Variants in KIRREL3 observed in about 807,000 individuals in gnomAD.
KIRREL3 encodes the protein kirre like nephrin family adhesion molecule 3, also known as kin of IRRE-like protein 3.
In KIRREL3, 36 loss-of-function variants were observed where a neutral mutation model predicts 89.7. The ratio of observed to expected loss-of-function variants is 0.40; its 90% CI spans 0.31 to 0.53. The LOEUF (loss-of-function observed/expected upper bound fraction) is 0.53, where lower values mean the gene tolerates loss of function less well. KIRREL3 is among the 20% of genes least tolerant of loss of function. The pLI is 0.49. For missense variants in KIRREL3, 864 were observed against 1,056.6 expected, an observed-to-expected ratio of 0.82 and a Z score of 2.53; for synonymous variants, 445 against 441.4, an observed-to-expected ratio of 1.01 and a Z score of -0.10.
intron 1 of KIRREL3, among the ~76,000 whole-genome samples, chr11:126,711,622 A>G (rs1189492024): frequency 2.0e-5 from 3 of 152,250 alleles, no homozygotes; most frequent in Admixed American, 6.5e-5. Flanking sequence ...CCCAAATAGC[A>G]TAATTAGTAT....
rs1958790005 is a variant in KIRREL3 at position 126,527,184 on chromosome 11, C to A, written c.134-497G>T. On this transcript the variant is annotated intron_variant, in intron 2 of 16. Transcript: ENST00000525144. This position sits in a 1 kb window ranked among gnomAD's most constrained non-coding sequence, Gnocchi z 4.2. ...AATTCAGGAAATCATTTTGTTGTTT[C>A]AGTGGCTCCTGGGGTGGGCTGAGGG... 6.6e-6 allele frequency among the ~76,000 whole-genome samples: 1 copy of A among 152,066 alleles called. No homozygotes were observed. Among genetic ancestry groups the A allele is most frequent in the Non-Finnish European group, 1.5e-5 (1 of 68,008 alleles).
At chr11:126,882,567 A>G (rs1275822162) in intron 1 of KIRREL3, among the ~76,000 whole-genome samples, 1 of 152,228 alleles carries the variant, frequency 6.6e-6, no homozygotes, top group East Asian at 1.9e-4. Context: ...AGAACGCAGA[A>G]TGCAGGGAGG....
rs914584049 is a variant in KIRREL3, at chr11:126,906,523, C to T, written c.55+93932G>A. Among the ~76,000 whole-genome samples, 7 of 152,194 alleles carry T rather than the reference C, an allele frequency of 4.6e-5. No individual in the cohort carries two copies. Among genetic ancestry groups the T allele is most frequent in the Non-Finnish European group, 8.8e-5 (6 of 68,026 alleles). On this transcript the variant is annotated intron_variant, in intron 1 of 16. Coordinates refer to ENST00000525144, the MANE Select transcript of KIRREL3 (RefSeq NM_032531.4). This position sits in a 1 kb window ranked among gnomAD's most constrained non-coding sequence, Gnocchi z 4.1. ...GCTGCCTCTGCCCAGTAACTTTAAT[C>T]TCCCTCCAGCAGAGAAGTGGATAGG...
At chr11:126,445,292 G>GAGGAA (rs1265417119) in intron 9 of KIRREL3, among the ~76,000 whole-genome samples, 187 bp from the exon 10 acceptor site, 2 of 152,248 alleles carry the variant, frequency 1.3e-5, no homozygotes, top group Non-Finnish European at 2.9e-5. Flanking sequence ...GGGCTGTACA[G>GAGGAA]AGGAGACTGT....
Position 126,780,422 on chromosome 11 carries a change from G to T in KIRREL3, c.56-217510C>A, listed in dbSNP as rs574576888. 6.6e-6 allele frequency among the ~76,000 whole-genome samples: 1 copy of T among 152,170 alleles called. No individual in the cohort carries two copies. Among genetic ancestry groups the T allele is most frequent in the Admixed American group, 6.5e-5 (1 of 15,272 alleles). On this transcript the variant is annotated intron_variant, in intron 1 of 16. Coordinates refer to ENST00000525144, the MANE Select transcript of KIRREL3 (RefSeq NM_032531.4). The surrounding 1 kb of genome is among the most constrained non-coding windows in gnomAD (Gnocchi z 5.3). ...GGTTTCTTTTAACTTAATGTTTGCT[G>T]AACCATCCCTTCTATCTCACTTACC...
chr11:126,583,670 T>G (rs1941673883), intron 1 of KIRREL3, among the ~76,000 whole-genome samples: 1 of 152,122 alleles, frequency 6.6e-6, no homozygotes, highest in Non-Finnish European at 1.5e-5. Flanking sequence ...CTTTGTAAAA[T>G]GCAAAGAATG....
rs1313596387 is a variant in KIRREL3, at chr11:126,748,694, G to A, written c.56-185782C>T. 1.3e-5 allele frequency among the ~76,000 whole-genome samples: 2 copies of A among 152,066 alleles called. No individual in the cohort carries two copies. Among genetic ancestry groups the A allele is most frequent in the African/African-American group, 2.4e-5 (1 of 41,400 alleles). On this transcript the variant is annotated intron_variant, in intron 1 of 16. Coordinates refer to ENST00000525144, the MANE Select transcript of KIRREL3 (RefSeq NM_032531.4). The surrounding 1 kb of genome is among the most constrained non-coding windows in gnomAD (Gnocchi z 4.6). ...GCCTTGGTCTGGCAAGGGAAGCTGC[G>A]TTTCGTGGTAACAAATGAGGATTAA...
chr11:126,952,123 C>T (rs185476186), intron 1 of KIRREL3, among the ~76,000 whole-genome samples: 20 of 152,310 alleles, frequency 1.3e-4, no homozygotes, highest in Admixed American at 8.5e-4. Flanking sequence ...CGGTGGCTTA[C>T]GCCTCTAATC....
At chr11:126,435,327 C>T in intron 12 of KIRREL3, 24 bp from the exon 13 acceptor site, 1 of 1,611,018 alleles carries the variant, frequency 6.2e-7, no homozygotes, top group Non-Finnish European at 8.5e-7. Flanking sequence ...AAGCAAGCGT[C>T]TACAGCCAGG....
At chr11:126,942,824 T>C (rs1948498136) in intron 1 of KIRREL3, among the ~76,000 whole-genome samples, 1 of 152,182 alleles carries the variant, frequency 6.6e-6, no homozygotes, top group African/African-American at 2.4e-5. Context: ...CTTCCAGGAT[T>C]TCTGCTTTCC....
chr11:126,960,904 T>C (rs185058840), intron 1 of KIRREL3, among the ~76,000 whole-genome samples: 12 of 152,346 alleles, frequency 7.9e-5, no homozygotes, highest in Non-Finnish European at 1.5e-4. Flanking sequence ...ACATTATGGT[T>C]ATTATCCCAA....
chr11:126,692,856 A>G (rs1442017637), intron 1 of KIRREL3, among the ~76,000 whole-genome samples: 3 of 152,146 alleles, frequency 2.0e-5, no homozygotes, highest in Non-Finnish European at 4.4e-5. Flanking sequence ...CCTTGGATCT[A>G]CCCGCTTTGC....
At position 126,877,117 on chromosome 11, in the gene KIRREL3, C is replaced by T. The variant is rs568642245; in HGVS notation, c.55+123338G>A. The stretch of plus-strand genomic sequence containing the variant: ...CGACGAGGAGATCTGACAGATGTTC[C>T]AAATGAGAAAGAGGAGGACAAGCAG... On this transcript the variant is annotated intron_variant, in intron 1 of 16. Transcript: ENST00000525144. The surrounding 1 kb of genome is among the most constrained non-coding windows in gnomAD (Gnocchi z 4.9). 3.9e-5 allele frequency among the ~76,000 whole-genome samples: 6 copies of T among 152,172 alleles called. No homozygotes were observed. In the South Asian group the frequency reaches 8.3e-4, roughly 21 times the overall value.
In KIRREL3 at chr11:126,879,626, C is replaced by G. The variant is rs1348040551; in HGVS notation, c.55+120829G>C. ...TCCATTTCTCCCATTTCTCTCACCT[C>G]CAAGCCACTTTCCATGTAGCCATGA... On this transcript the variant is annotated intron_variant, in intron 1 of 16. Transcript: ENST00000525144. This position sits in a 1 kb window ranked among gnomAD's most constrained non-coding sequence, Gnocchi z 5.4. Among the ~76,000 whole-genome samples the G allele has an allele frequency of 2.6e-5, 4 of 152,208 alleles. No homozygotes were observed. The highest frequency in any genetic ancestry group is 1.3e-4 in the Admixed American group (2 of 15,276).
intron 1 of KIRREL3, among the ~76,000 whole-genome samples, chr11:126,902,103 A>G (rs1946394966): frequency 6.6e-6 from 1 of 152,188 alleles, no homozygotes; most frequent in Admixed American, 6.5e-5. Context: ...CTGGGCATCA[A>G]CTTTCAGTTG....
chr11:126,804,291 G>A (rs185100610), intron 1 of KIRREL3, among the ~76,000 whole-genome samples: 81 of 152,324 alleles, frequency 5.3e-4, no homozygotes, highest in African/African-American at 1.7e-3. Flanking sequence ...GTTCTGTGGA[G>A]TGCAAAGTCT....
chr11:126,835,904 A>G (rs1760739351), intron 1 of KIRREL3, among the ~76,000 whole-genome samples: 1 of 152,152 alleles, frequency 6.6e-6, no homozygotes, highest in South Asian at 2.1e-4. Flanking sequence ...CAATCAATCA[A>G]TCAAGCTTGC....
intron 1 of KIRREL3, among the ~76,000 whole-genome samples, chr11:126,901,671 T>A (rs890340409): frequency 6.6e-6 from 1 of 152,226 alleles, no homozygotes; most frequent in Non-Finnish European, 1.5e-5. Flanking sequence ...CCATCATATA[T>A]GATGTCCACA....
rs1452480261 is a variant in KIRREL3, at chr11:126,684,416, A to C, written c.56-121504T>G. Among the ~76,000 whole-genome samples, 3 of 152,222 alleles carry C rather than the reference A, an allele frequency of 2.0e-5. No homozygotes were observed. The highest frequency in any genetic ancestry group is 7.2e-5 in the African/African-American group (3 of 41,454). ...CATCGAAGCAAAACCTCCTGGTTGAACTGGCTTCCCTGCCCCTCCAAAGTG... is the reference window on the plus strand; with the variant it reads ...CATCGAAGCAAAACCTCCTGGTTGACCTGGCTTCCCTGCCCCTCCAAAGTG... On this transcript the variant is annotated intron_variant, in intron 1 of 16. Coordinates refer to ENST00000525144, the MANE Select transcript of KIRREL3 (RefSeq NM_032531.4). This position sits in a 1 kb window ranked among gnomAD's most constrained non-coding sequence, Gnocchi z 4.2.
Sources: allele counts gnomAD v4.1 joint callset (sites outside exome capture counted in the v4.1 genomes callset), GRCh38; gene constraint gnomAD v4.1.1; non-coding constraint Gnocchi (gnomAD v3.1); transcripts MANE v1.5; gene names NCBI Gene and HGNC (gene_info 2026-07-23, HGNC 2026-07-21).